The following PADI4 variants were observed in gnomAD, a reference collection of about 807,000 sequenced individuals.
PADI4 encodes protein-arginine deiminase type-4.
A neutral mutation model predicts 75.0 loss-of-function variants in PADI4; 62 were observed. That is an observed-to-expected ratio of 0.83 (90% CI 0.67 to 1.02). PADI4 has a LOEUF of 1.02. PADI4 is among the 50% of genes least tolerant of loss of function. The probability of loss-of-function intolerance (pLI) is 0.00; values close to 1 mark genes in which losing one functional copy is unlikely to be tolerated. For missense variants in PADI4, 845 were observed against 850.5 expected (o/e 0.99, Z 0.08); for synonymous variants, 361 against 348.1 (o/e 1.04, Z -0.41).
intron 3 of PADI4, among the ~76,000 whole-genome samples, chr1:17,334,947 G>A (rs1635596): frequency 0.09 from 13,698 of 151,970 alleles, 666 homozygotes; most frequent in African/African-American, 0.12. Context: ...TTTGAGACCA[G>A]CCTGGGCAAC....
At chr1:17,337,508 G>A (rs1191595329) in intron 4 of PADI4, among the ~76,000 whole-genome samples, 1 of 152,136 alleles carries the variant, frequency 6.6e-6, no homozygotes, top group Non-Finnish European at 1.5e-5. Flanking sequence ...TTAAATGGAT[G>A]AATTGTGTTT....
chr1:17,323,856 C>CAA lies in PADI4; in HGVS notation c.93-7112_93-7111dup, dbSNP rs748924393. On this transcript the variant is annotated intron_variant, in intron 1 of 15. Coordinates refer to ENST00000375448, the MANE Select transcript of PADI4 (RefSeq NM_012387.3). The stretch of plus-strand genomic sequence containing the variant: ...AAAACAAGCAAACAAACAACAACAA[C>CAA]AACAAAAAAAACACAAACAAACAAA... Among the ~76,000 whole-genome samples, 819 of 101,600 alleles carry CAA rather than the reference C, an allele frequency of 8.1e-3. 4 individuals are homozygous for CAA. Among genetic ancestry groups the CAA allele is most frequent in the East Asian group, 0.039 (134 of 3,464 alleles). 66.7% of individuals were successfully genotyped at this position (101,600 alleles called of 152,430 possible).
rs778337840 is a variant in PADI4 at position 17,356,401 on chromosome 1, G to A, written c.1500G>A (p.Leu500=). The A allele has an allele frequency of 3.7e-6, 6 of 1,613,716 alleles. No individual in the cohort carries two copies. In the South Asian group the frequency reaches 6.6e-5, roughly 18 times the overall value. ...LLASPRSCYK[L]FQEQQNEGHG... The stretch of plus-strand genomic sequence containing the variant: ...CCAGCCCCAGGTCCTGCTACAAACT[G>A]TTCCAGGAGCAGCAGAATGAGGGCC... Residue 500 remains leucine (L), a synonymous_variant, in exon 13 of 16, where the codon CTG becomes CTA. Coordinates refer to ENST00000375448, the MANE Select transcript of PADI4 (RefSeq NM_012387.3). This position sits in a 1 kb window ranked among gnomAD's most constrained non-coding sequence, Gnocchi z 4.1.
In PADI4 at chr1:17,363,921, G is replaced by A. The variant is rs189630315; in HGVS notation, c.*166G>A. 1.3e-4 allele frequency: 74 copies of A among 589,552 alleles called. No individual in the cohort carries two copies. The highest frequency in any genetic ancestry group is 1.2e-3 in the Middle Eastern group (4 of 3,372). 36.5% of individuals were successfully genotyped at this position (589,552 alleles called of 1,614,324 possible). A position where few individuals can be genotyped will look rare whatever the true frequency, so the allele number is the denominator to read the frequency against. ...TGATGTCCCAGTTTCCCACTCTGAA[G>A]ATCCCAACATGGTCCTAGCACTGCA... On this transcript the variant is annotated 3_prime_UTR_variant, in exon 16 of 16. Coordinates refer to ENST00000375448, the MANE Select transcript of PADI4 (RefSeq NM_012387.3).
At chr1:17,363,466 A>T (rs1291617586) in intron 15 of PADI4, 56 bp from the exon 16 acceptor site, 1 of 1,264,774 alleles carries the variant, frequency 7.9e-7, no homozygotes, top group Non-Finnish European at 1.1e-6. Flanking sequence ...GGCCGCTCAG[A>T]TTGCGCTGCA....
Position 17,341,926 on chromosome 1 carries a change from C to T in PADI4, c.653-17C>T, listed in dbSNP as rs1557564362. 2.5e-6 allele frequency: 4 copies of T among 1,606,930 alleles called. No individual in the cohort carries two copies. The highest frequency in any genetic ancestry group is 1.7e-5 in the Admixed American group (1 of 59,562). ...AAGTGGGGACGCAGACCTGAGTCTC[C>T]CCTGCCTCTCTCCTAGGGGGCAAAC... On this transcript the variant is annotated splice_polypyrimidine_tract_variant and intron_variant, in intron 6 of 15. Transcript: ENST00000375448.
At chr1:17,334,703 A>G in intron 3 of PADI4, 1 of 448,504 alleles carries the variant, frequency 2.2e-6, no homozygotes, top group Non-Finnish European at 4.5e-6. Flanking sequence ...TCCATTATTT[A>G]TATCTCATCT....
chr1:17,316,987 C>T (rs2073952176), intron 1 of PADI4, among the ~76,000 whole-genome samples: 1 of 152,062 alleles, frequency 6.6e-6, no homozygotes, highest in South Asian at 2.1e-4. Context: ...TGTAGAACGC[C>T]AGGCTCACAG....
chr1:17,319,870 C>G (rs771244145), intron 1 of PADI4, among the ~76,000 whole-genome samples: 1 of 152,178 alleles, frequency 6.6e-6, no homozygotes, highest in African/African-American at 2.4e-5. Flanking sequence ...AAGTAGGTCA[C>G]GGGCTGTTTA....
intron 1 of PADI4, among the ~76,000 whole-genome samples, chr1:17,311,335 C>A (rs2073823923): frequency 6.6e-6 from 1 of 152,128 alleles, no homozygotes; most frequent in Non-Finnish European, 1.5e-5. Flanking sequence ...GCAGCCCACC[C>A]TGCCTCCAAA....
chr1:17,332,907 A>G (rs771901019), intron 2 of PADI4, among the ~76,000 whole-genome samples: 1 of 152,142 alleles, frequency 6.6e-6, no homozygotes, highest in Non-Finnish European at 1.5e-5. Flanking sequence ...AGAGTTTGAC[A>G]CAGAGGGGCA....
chr1:17,328,122 C>T (rs574783570), intron 1 of PADI4, among the ~76,000 whole-genome samples: 1 of 152,216 alleles, frequency 6.6e-6, no homozygotes, highest in South Asian at 2.1e-4. Context: ...CTCCTGGACT[C>T]AAGTGATCCT....
In PADI4 at chr1:17,361,956, C is replaced by A. The variant is rs1156752022; in HGVS notation, c.1759-1566C>A. Among the ~76,000 whole-genome samples the A allele has an allele frequency of 2.0e-5, 3 of 152,280 alleles. No homozygotes were observed. In the East Asian group the frequency reaches 5.8e-4, roughly 29 times the overall value. ...CAGAGCAGGAGTGACTGCCAGAGCT[C>A]AGGGATTCATGGGCAGTTTCACAGA... On this transcript the variant is annotated intron_variant, in intron 15 of 15. Coordinates refer to ENST00000375448, the MANE Select transcript of PADI4 (RefSeq NM_012387.3).
intron 5 of PADI4, among the ~76,000 whole-genome samples, chr1:17,338,597 T>C (rs1477884797): frequency 1.3e-5 from 2 of 152,128 alleles, no homozygotes; most frequent in East Asian, 3.9e-4. Context: ...CCTTTATAGG[T>C]AGGAAAACCA....
At chr1:17,335,777 C>A (rs968716451) in intron 3 of PADI4, among the ~76,000 whole-genome samples, 5 of 152,228 alleles carry the variant, frequency 3.3e-5, no homozygotes, top group African/African-American at 1.2e-4. Flanking sequence ...GGGCTGGGGC[C>A]AGAGTCTTTC....
At chr1:17,309,336 T>C (rs1258101138) in intron 1 of PADI4, among the ~76,000 whole-genome samples, 2 of 152,102 alleles carry the variant, frequency 1.3e-5, no homozygotes, top group African/African-American at 2.4e-5. Context: ...CTGTAAAAAT[T>C]TTTTTCCTTA....
At position 17,317,781 on chromosome 1, in the gene PADI4, G is replaced by A. The variant is rs916132301; in HGVS notation, c.92+9467G>A. Among the ~76,000 whole-genome samples, 4 of 152,166 alleles carry A rather than the reference G, an allele frequency of 2.6e-5. No individual in the cohort carries two copies. The South Asian group carries it at 8.3e-4, about 32-fold the overall frequency. ...TGCGCCTGTAATCCCAGCACTTTGG[G>A]AGGCCAAGGCAGGAGGATCACTTGA... is the stretch of plus-strand genomic sequence containing the variant. On this transcript the variant is annotated intron_variant, in intron 1 of 15. Transcript: ENST00000375448.
chr1:17,346,165 G>T lies in PADI4; in HGVS notation c.1047+26G>T, dbSNP rs1296230462. On this transcript the variant is annotated intron_variant, in intron 9 of 15. Transcript: ENST00000375448. The surrounding 1 kb of genome is among the most constrained non-coding windows in gnomAD (Gnocchi z 4.3). ...GTATGTGCCCTGCGGGGCAGGCAGG[G>T]TGACTGTCCCTGAGGGCCAAGAGAC... The T allele has an allele frequency of 6.7e-7, 1 of 1,487,382 alleles. No homozygotes were observed. The highest frequency in any genetic ancestry group is 1.4e-5 in the African/African-American group (1 of 72,472). The allele number at this position is 1,487,382 out of a possible 1,614,324, so 92.1% of individuals were successfully genotyped here.
intron 1 of PADI4, among the ~76,000 whole-genome samples, chr1:17,324,750 T>C (rs2074092087): frequency 6.6e-6 from 1 of 152,280 alleles, no homozygotes; most frequent in East Asian, 1.9e-4. Flanking sequence ...GATTCAAAGT[T>C]CTGACTTTCA....
Sources: allele counts gnomAD v4.1 joint callset (sites outside exome capture counted in the v4.1 genomes callset), GRCh38; gene constraint gnomAD v4.1.1; non-coding constraint Gnocchi (gnomAD v3.1); transcripts MANE v1.5; gene names NCBI Gene and HGNC (gene_info 2026-07-23, HGNC 2026-07-21).